The following HMBOX1 variants were observed in gnomAD, a reference collection of about 807,000 sequenced individuals.
HMBOX1 encodes homeobox containing 1, also known as homeobox-containing protein 1.
HMBOX1 carries 14 observed loss-of-function variants against 54.5 expected under a neutral mutation model. That is an observed-to-expected ratio of 0.26 (90% CI 0.17 to 0.40). HMBOX1 has a LOEUF of 0.40. Ranked by LOEUF, HMBOX1 falls within the 10% of genes least tolerant of loss-of-function variation. HMBOX1 has a pLI of 1.00. For missense variants in HMBOX1, 332 were observed against 514.4 expected (o/e 0.65, Z 3.43); for synonymous variants, 160 against 181.0 (o/e 0.88, Z 0.93).
chr8:28,995,386 G>T (rs1322811636), intron 4 of HMBOX1, among the ~76,000 whole-genome samples: 1 of 152,218 alleles, frequency 6.6e-6, no homozygotes, highest in South Asian at 2.1e-4. Context: ...ATCATTATAT[G>T]TATATACTAT....
At chr8:28,948,687 T>C (rs576634717) in intron 1 of HMBOX1, among the ~76,000 whole-genome samples, 2 of 152,330 alleles carry the variant, frequency 1.3e-5, no homozygotes, top group South Asian at 4.1e-4. Context: ...GGAATCAGAG[T>C]TTCTGGCTCC....
intron 6 of HMBOX1, 82 bp from the exon 7 acceptor site, chr8:29,045,279 T>C (rs1473082616): frequency 9.5e-7 from 1 of 1,050,364 alleles, no homozygotes; most frequent in East Asian, 2.4e-5. Flanking sequence ...TCTTACAGAA[T>C]ATATTTTTCA....
intron 1 of HMBOX1, among the ~76,000 whole-genome samples, chr8:28,916,226 A>G (rs1465901364): frequency 6.6e-6 from 1 of 152,210 alleles, no homozygotes; most frequent in Non-Finnish European, 1.5e-5. Flanking sequence ...ATTTTTCCCC[A>G]GAATCCCTCA....
intron 4 of HMBOX1, among the ~76,000 whole-genome samples, chr8:29,008,159 A>G (rs993347199): frequency 1.3e-5 from 2 of 152,120 alleles, no homozygotes; most frequent in Non-Finnish European, 2.9e-5. Flanking sequence ...GGTCTTTTGG[A>G]AACTGCCTTG....
intron 1 of HMBOX1, among the ~76,000 whole-genome samples, chr8:28,893,852 AT>A (rs1811527983): frequency 6.6e-6 from 1 of 152,166 alleles, no homozygotes; most frequent in East Asian, 1.9e-4. Context: ...CACATCCCAC[AT>A]TTAGGGCTCC....
intron 4 of HMBOX1, among the ~76,000 whole-genome samples, chr8:28,995,169 C>G (rs183601614): frequency 6.6e-6 from 1 of 152,268 alleles, no homozygotes; most frequent in Non-Finnish European, 1.5e-5. Context: ...TCCAGTCCCC[C>G]AGTCCTCCAA....
chr8:28,959,746 T>A (rs1459299911), intron 1 of HMBOX1, among the ~76,000 whole-genome samples: 5 of 152,224 alleles, frequency 3.3e-5, no homozygotes, highest in Non-Finnish European at 7.4e-5. Context: ...TTATGTTTTT[T>A]AAATAGATTA....
chr8:28,974,167 C>T (rs956414271), intron 3 of HMBOX1, among the ~76,000 whole-genome samples: 5 of 151,894 alleles, frequency 3.3e-5, no homozygotes, highest in East Asian at 1.9e-4. Context: ...TACACCTTAT[C>T]GACTCATTAA....
chr8:28,916,570 C>G (rs1816593991), intron 1 of HMBOX1, among the ~76,000 whole-genome samples: 1 of 152,048 alleles, frequency 6.6e-6, no homozygotes, highest in South Asian at 2.1e-4. Context: ...AAAGGCTATC[C>G]TTTTTCCATT....
Position 28,970,114 on chromosome 8 carries a change from G to A in HMBOX1, c.95G>A (p.Arg32Gln), listed in dbSNP as rs1563492328. Reference sequence around the variant, plus strand: ...ATAGAGCAGATAGATCTGCTTCAGCGACTTCGGCGTACTGGAATGACTAAA... The same window carrying A: ...ATAGAGCAGATAGATCTGCTTCAGCAACTTCGGCGTACTGGAATGACTAAA... ...FTIEQIDLLQ[R>Q]LRRTGMTKHE... The change falls in exon 3 of 10, where the codon CGA becomes CAA. Residue 32 changes from arginine (R) to glutamine (Q), a missense_variant. Physicochemically the swap from Arg to Gln is conservative, Grantham distance 43. Transcript: ENST00000287701. The surrounding 1 kb of genome is among the most constrained non-coding windows in gnomAD (Gnocchi z 4.3). The A allele has an allele frequency of 1.2e-6, 2 of 1,614,024 alleles. No individual in the cohort carries two copies. Among genetic ancestry groups the A allele is most frequent in the Non-Finnish European group, 1.7e-6 (2 of 1,179,984 alleles).
In HMBOX1 at chr8:29,051,748, A is replaced by G. The variant is rs751604797; in HGVS notation, c.*593A>G. 1.4e-4 allele frequency: 83 copies of G among 601,956 alleles called. No homozygotes were observed. Among genetic ancestry groups the G allele is most frequent in the Middle Eastern group, 2.6e-4 (1 of 3,778 alleles). 37.3% of individuals were successfully genotyped at this position (601,956 alleles called of 1,614,324 possible). A position where few individuals can be genotyped will look rare whatever the true frequency, so the allele number is the denominator to read the frequency against. On this transcript the variant is annotated 3_prime_UTR_variant, in exon 10 of 10. Transcript: ENST00000287701. The stretch of plus-strand genomic sequence containing the variant: ...TTTGGGTGCTGTGCTAAGAATGTCA[A>G]TGGAAAAAGCCGATCTCAGATTTTG...
intron 1 of HMBOX1, among the ~76,000 whole-genome samples, chr8:28,959,202 C>T (rs1825028199): frequency 6.6e-6 from 1 of 151,768 alleles, no homozygotes; most frequent in South Asian, 2.1e-4. Context: ...CTTTTGGCTT[C>T]TGTTTGGTGT....
At chr8:29,034,746 A>G (rs1031697036) in intron 6 of HMBOX1, among the ~76,000 whole-genome samples, 2 of 152,180 alleles carry the variant, frequency 1.3e-5, no homozygotes, top group Middle Eastern at 3.2e-3. Flanking sequence ...AATCCCAGCT[A>G]CTTGGGAGGC....
intron 1 of HMBOX1, among the ~76,000 whole-genome samples, chr8:28,913,052 T>C (rs1815772941): frequency 6.6e-6 from 1 of 152,150 alleles, no homozygotes; most frequent in Non-Finnish European, 1.5e-5. Context: ...ATATCACCAT[T>C]TCACCATTTC....
chr8:28,894,320 G>A (rs1032211674), intron 1 of HMBOX1, among the ~76,000 whole-genome samples: 1 of 152,018 alleles, frequency 6.6e-6, no homozygotes, highest in African/African-American at 2.4e-5. Context: ...TATGAAATTG[G>A]TGTATATCTA....
intron 1 of HMBOX1, among the ~76,000 whole-genome samples, chr8:28,946,589 C>T (rs933301242): frequency 1.3e-5 from 2 of 151,684 alleles, no homozygotes; most frequent in Non-Finnish European, 1.5e-5. Flanking sequence ...AAAATATATA[C>T]AATTGTGTTT....
intron 4 of HMBOX1, among the ~76,000 whole-genome samples, chr8:28,999,669 A>C (rs1037828979): frequency 6.6e-6 from 1 of 152,038 alleles, no homozygotes; most frequent in East Asian, 1.9e-4. Context: ...TCTACCGTTG[A>C]GTCCTTTTAG....
At chr8:28,919,668 A>T (rs1274145832) in intron 1 of HMBOX1, among the ~76,000 whole-genome samples, 1 of 152,192 alleles carries the variant, frequency 6.6e-6, no homozygotes, top group Non-Finnish European at 1.5e-5. Flanking sequence ...GATGTCCACA[A>T]CTTGAATGAC....
At chr8:29,030,242 A>G (rs1217579909) in intron 6 of HMBOX1, among the ~76,000 whole-genome samples, 2 of 138,214 alleles carry the variant, frequency 1.4e-5, no homozygotes, top group Non-Finnish European at 3.1e-5. Context: ...TTTGAGACGG[A>G]GTTTTGCTTT....
Sources: allele counts gnomAD v4.1 joint callset (sites outside exome capture counted in the v4.1 genomes callset), GRCh38; gene constraint gnomAD v4.1.1; non-coding constraint Gnocchi (gnomAD v3.1); transcripts MANE v1.5; gene names NCBI Gene and HGNC (gene_info 2026-07-23, HGNC 2026-07-21).